The following ZBTB7C variants were observed in gnomAD, a reference collection of about 807,000 sequenced individuals.
ZBTB7C encodes zinc finger and BTB domain-containing protein 7C.
Under a neutral mutation model 25.7 loss-of-function variants are expected in ZBTB7C, and 8 were observed. The observed-to-expected ratio is 0.31, with a 90% CI of 0.18 to 0.56. The LOEUF (loss-of-function observed/expected upper bound fraction) is 0.56. ZBTB7C is among the 20% of genes least tolerant of loss of function. ZBTB7C has a pLI of 0.91. For missense variants in ZBTB7C, 824 were observed against 855.2 expected, an observed-to-expected ratio of 0.96 and a Z score of 0.46; for synonymous variants, 394 against 369.0, an observed-to-expected ratio of 1.07 and a Z score of -0.78.
chr18:48,373,511 C>T (rs1334446067), intron 1 of ZBTB7C, among the ~76,000 whole-genome samples: 1 of 151,998 alleles, frequency 6.6e-6, no homozygotes, highest in Non-Finnish European at 1.5e-5. Flanking sequence ...GATATTTGTC[C>T]TGCCCAAATC....
chr18:48,138,530 T>G (rs2040243829), intron 3 of ZBTB7C, among the ~76,000 whole-genome samples: 1 of 152,038 alleles, frequency 6.6e-6, no homozygotes, highest in Non-Finnish European at 1.5e-5. Flanking sequence ...AAACCCTCCA[T>G]GCTGTGGAAA....
intron 1 of ZBTB7C, chr18:48,408,510 C>T (rs8097976): frequency 0.13 from 20,035 of 152,218 alleles, 2,579 homozygotes; most frequent in African/African-American, 0.34. Context: ...AGCTTCCCGA[C>T]TTGACAGCAG....
intron 3 of ZBTB7C, among the ~76,000 whole-genome samples, chr18:48,136,285 C>CTA (rs1208831424): frequency 5.9e-5 from 9 of 152,336 alleles, no homozygotes; most frequent in African/African-American, 1.9e-4. Flanking sequence ...AGCTGAGAGA[C>CTA]TATAGCTCGA....
intron 2 of ZBTB7C, among the ~76,000 whole-genome samples, chr18:48,255,497 G>A (rs2043994822): frequency 6.6e-6 from 1 of 152,142 alleles, no homozygotes; most frequent in South Asian, 2.1e-4. Context: ...ACACCACCAA[G>A]CTGAAACTAA....
At chr18:48,307,805 G>A (rs1333055581) in intron 2 of ZBTB7C, among the ~76,000 whole-genome samples, 1 of 152,108 alleles carries the variant, frequency 6.6e-6, no homozygotes, top group Non-Finnish European at 1.5e-5. Flanking sequence ...CTGAGATCAC[G>A]CCACAGCACT....
At chr18:48,408,531 T>C (rs1010117957) in intron 1 of ZBTB7C, 1 of 152,236 alleles carries the variant, frequency 6.6e-6, no homozygotes, top group African/African-American at 2.4e-5. Flanking sequence ...CAAGGATCTT[T>C]GAGTCCTGCA....
chr18:48,319,477 T>C (rs2046037666), intron 2 of ZBTB7C, among the ~76,000 whole-genome samples: 1 of 152,180 alleles, frequency 6.6e-6, no homozygotes, highest in Admixed American at 6.5e-5. Flanking sequence ...TGGGGGGACG[T>C]AATGCTAAAT....
In ZBTB7C at chr18:48,284,812, C is replaced by A. The variant is rs779910467; in HGVS notation, c.-79+53362G>T. Among the ~76,000 whole-genome samples, 125 of 109,190 alleles carry A rather than the reference C, an allele frequency of 1.1e-3. 4 individuals are homozygous for A. Among genetic ancestry groups the A allele is most frequent in the African/African-American group, 1.6e-3 (44 of 27,336 alleles). 71.6% of individuals were successfully genotyped at this position (109,190 alleles called of 152,430 possible). On this transcript the variant is annotated intron_variant, in intron 2 of 4. Transcript: ENST00000590800. Reference sequence around the variant, plus strand: ...TCTCCAAAAAAAAAAAAAAAAAAAACAGAGAGAGAGAGAGAGAAGAAAGAA... The same window carrying A: ...TCTCCAAAAAAAAAAAAAAAAAAAAAAGAGAGAGAGAGAGAGAAGAAAGAA...
At chr18:48,077,409 C>T (rs374516443) in intron 3 of ZBTB7C, among the ~76,000 whole-genome samples, 44 of 152,306 alleles carry the variant, frequency 2.9e-4, no homozygotes, top group East Asian at 2.7e-3. Flanking sequence ...CCCCAGTACG[C>T]TCACACCCCA....
chr18:48,223,735 G>A (rs1452341671), intron 2 of ZBTB7C, among the ~76,000 whole-genome samples: 1 of 152,190 alleles, frequency 6.6e-6, no homozygotes, highest in African/African-American at 2.4e-5. Flanking sequence ...TTAACCTGAT[G>A]TTCTGTATGT....
At chr18:48,386,841 G>A (rs7243641) in intron 1 of ZBTB7C, among the ~76,000 whole-genome samples, 109,674 of 152,088 alleles carry the variant, frequency 0.72, 39,679 homozygotes, top group East Asian at 0.79. Flanking sequence ...CTCAAATTGC[G>A]CTTTCTATCT....
At chr18:48,230,315 A>G (rs1025556009) in intron 2 of ZBTB7C, among the ~76,000 whole-genome samples, 1 of 152,170 alleles carries the variant, frequency 6.6e-6, no homozygotes, top group Admixed American at 6.5e-5. Flanking sequence ...GTCTGCCCCA[A>G]CCTAGCTGAA....
At chr18:48,225,119 C>G (rs565625875) in intron 2 of ZBTB7C, among the ~76,000 whole-genome samples, 1 of 152,332 alleles carries the variant, frequency 6.6e-6, no homozygotes, top group African/African-American at 2.4e-5. Context: ...CTATAAAACA[C>G]AGGAGTATGC....
intron 3 of ZBTB7C, among the ~76,000 whole-genome samples, chr18:48,127,144 A>G (rs1292024955): frequency 6.6e-6 from 1 of 152,140 alleles, no homozygotes; most frequent in Non-Finnish European, 1.5e-5. Context: ...GCAAATGGGG[A>G]AACTGTAGCA....
intron 1 of ZBTB7C, among the ~76,000 whole-genome samples, chr18:48,378,429 G>A (rs969537969): frequency 3.3e-5 from 5 of 152,272 alleles, no homozygotes; most frequent in Admixed American, 1.3e-4. Context: ...CAGGCAGAAG[G>A]TGGATGAGCC....
intron 1 of ZBTB7C, among the ~76,000 whole-genome samples, chr18:48,399,621 G>A (rs1006745263): frequency 1.3e-5 from 2 of 152,316 alleles, no homozygotes; most frequent in East Asian, 3.9e-4. Flanking sequence ...CCTGGGCCTC[G>A]TCTGAAGCAG....
intron 1 of ZBTB7C, among the ~76,000 whole-genome samples, chr18:48,381,265 G>C (rs1413203362): frequency 2.0e-5 from 3 of 152,154 alleles, no homozygotes; most frequent in African/African-American, 7.2e-5. Context: ...AAGAATCCCA[G>C]GTATGATGGT....
At chr18:48,335,178 G>A (rs2046433348) in intron 2 of ZBTB7C, among the ~76,000 whole-genome samples, 1 of 152,260 alleles carries the variant, frequency 6.6e-6, no homozygotes, top group African/African-American at 2.4e-5. Flanking sequence ...CATGCAAAGG[G>A]AGAGTGGAGA....
intron 2 of ZBTB7C, among the ~76,000 whole-genome samples, chr18:48,248,540 G>A (rs1352013036): frequency 1.3e-5 from 2 of 152,170 alleles, no homozygotes; most frequent in Non-Finnish European, 2.9e-5. Flanking sequence ...GTCATTGTTT[G>A]TCCTCTGACT....
Sources: gnomAD v4.1 joint callset for allele counts (sites outside exome capture counted in the v4.1 genomes callset) on GRCh38, gnomAD v4.1.1 for gene constraint, MANE v1.5 for transcripts, NCBI Gene and HGNC (gene_info 2026-07-23, HGNC 2026-07-21) for gene names.